Variants in KCNK10 observed in about 807,000 individuals in gnomAD.
KCNK10 encodes potassium two pore domain channel subfamily K member 10.
Under a neutral mutation model 47.7 loss-of-function variants are expected in KCNK10, and 25 were observed. The observed-to-expected ratio is 0.52, with a 90% CI of 0.38 to 0.73. The LOEUF (loss-of-function observed/expected upper bound fraction) is 0.73. KCNK10 is among the 30% of genes least tolerant of loss of function. KCNK10 has a pLI of 0.00. For missense variants in KCNK10, 563 were observed against 714.5 expected (o/e 0.79, Z 2.42); for synonymous variants, 303 against 285.6 (o/e 1.06, Z -0.61).
chr14:88,274,566 A>AAAAT (rs55899872), intron 1 of KCNK10, among the ~76,000 whole-genome samples: 1 of 139,626 alleles, frequency 7.2e-6, no homozygotes, highest in African/African-American at 3.1e-5. Flanking sequence ...AAAAAAAAAA[A>AAAAT]GATCTTATGG....
intron 4 of KCNK10, among the ~76,000 whole-genome samples, chr14:88,198,800 T>C (rs570548195): frequency 2.3e-4 from 35 of 152,348 alleles, no homozygotes; most frequent in African/African-American, 8.2e-4. Context: ...TGAGGTTGTA[T>C]TAGGAAACTC....
intron 2 of KCNK10, among the ~76,000 whole-genome samples, chr14:88,258,899 G>A (rs1232822932): frequency 6.6e-6 from 1 of 152,050 alleles, no homozygotes; most frequent in East Asian, 1.9e-4. Context: ...ATGCTTCTCT[G>A]GATACTCTAT....
At chr14:88,312,016 A>G (rs896133290) in intron 1 of KCNK10, among the ~76,000 whole-genome samples, 1 of 152,028 alleles carries the variant, frequency 6.6e-6, no homozygotes. Flanking sequence ...AGGCATCTCC[A>G]TTCAACACAC....
Position 88,186,244 on chromosome 14 carries a change from G to A in KCNK10, c.1012-89C>T, listed in dbSNP as rs543782003. The stretch of plus-strand genomic sequence containing the variant: ...ACCCACAGCCCTCGGGTGTCCCCAC[G>A]GGGAGGCCAGGAGGTGACGGAGCAC... On this transcript the variant is annotated intron_variant, in intron 6 of 6. Coordinates refer to ENST00000319231, the MANE Select transcript of KCNK10 (RefSeq NM_138317.3). The surrounding 1 kb of genome is among the most constrained non-coding windows in gnomAD (Gnocchi z 5.5). The A allele has an allele frequency of 1.6e-3, 2,241 of 1,433,922 alleles. 18 individuals are homozygous for A. The highest frequency in any genetic ancestry group is 0.01 in the Middle Eastern group (40 of 3,852). 88.8% of individuals were successfully genotyped at this position (1,433,922 alleles called of 1,614,324 possible). A position where few individuals can be genotyped will look rare whatever the true frequency, so the allele number is the denominator to read the frequency against.
At chr14:88,245,304 T>C (rs1264716069) in intron 2 of KCNK10, among the ~76,000 whole-genome samples, 12 of 152,200 alleles carry the variant, frequency 7.9e-5, no homozygotes, top group Non-Finnish European at 1.0e-4. Context: ...TAAAAGATTC[T>C]GTGCCCCTCT....
At chr14:88,279,907 T>C (rs148504161) in intron 1 of KCNK10, among the ~76,000 whole-genome samples, 14 of 150,278 alleles carry the variant, frequency 9.3e-5, no homozygotes, top group Admixed American at 4.0e-4. Flanking sequence ...GATGGGTTTA[T>C]CAGGGGTTTC....
At chr14:88,277,496 G>A (rs539528490) in intron 1 of KCNK10, among the ~76,000 whole-genome samples, 2 of 152,312 alleles carry the variant, frequency 1.3e-5, no homozygotes, top group South Asian at 2.1e-4. Context: ...AAAGGGAAAA[G>A]GATACCCACA....
chr14:88,326,470 G>C (rs746663176), upstream of KCNK10: 3 of 1,611,384 alleles, frequency 1.9e-6, no homozygotes, highest in Non-Finnish European at 1.7e-6. Flanking sequence ...GAAAGATGCC[G>C]CTCCAAGCGG....
At chr14:88,212,471 A>G (rs1284564740) in intron 4 of KCNK10, among the ~76,000 whole-genome samples, 1 of 152,106 alleles carries the variant, frequency 6.6e-6, no homozygotes, top group Non-Finnish European at 1.5e-5. Context: ...TACTATAGAT[A>G]CTATGAATTC....
At chr14:88,276,476 A>G (rs1359346207) in intron 1 of KCNK10, among the ~76,000 whole-genome samples, 1 of 152,104 alleles carries the variant, frequency 6.6e-6, no homozygotes, top group Non-Finnish European at 1.5e-5. Flanking sequence ...ACACTAAGAC[A>G]TTGACTAGAT....
chr14:88,230,594 G>A (rs1886133328), intron 3 of KCNK10, among the ~76,000 whole-genome samples: 1 of 152,132 alleles, frequency 6.6e-6, no homozygotes, highest in African/African-American at 2.4e-5. Context: ...TTCTTATTAT[G>A]GTCACCAGTC....
chr14:88,217,772 G>C (rs1052699239), intron 4 of KCNK10, among the ~76,000 whole-genome samples: 24 of 151,926 alleles, frequency 1.6e-4, no homozygotes, highest in African/African-American at 5.8e-4. Flanking sequence ...ACCCAGGCTG[G>C]AGTGCAGTGA....
In KCNK10 at chr14:88,313,782, T is replaced by C. The variant is rs117812411; in HGVS notation, c.52+8965A>G. On this transcript the variant is annotated intron_variant, in intron 1 of 6. Transcript: ENST00000319231. ...ATGAGATAATAAATGTTTATATTGA[T>C]TTAAGCCACTAAATGTTGGGGTTAT... Among the ~76,000 whole-genome samples, 22 of 152,326 alleles carry C rather than the reference T, an allele frequency of 1.4e-4. 1 individual carries two copies. In the East Asian group the frequency reaches 3.9e-3, roughly 27 times the overall value.
chr14:88,268,197 T>C (rs887361615), intron 1 of KCNK10, among the ~76,000 whole-genome samples: 4 of 152,194 alleles, frequency 2.6e-5, no homozygotes, highest in Admixed American at 6.5e-5. Flanking sequence ...CAAGGAGTTC[T>C]TGAGCTGAAG....
At position 88,263,253 on chromosome 14, in the gene KCNK10, G is replaced by T; in HGVS notation, c.351C>A (p.Phe117Leu). ...KNTIALEKAE[F>L]LRDHVCVSPQ... ...GGCTCACACAGACATGATCCCGCAG[G>T]AATTCCGCCTTCTCCAAGGCGATGG... Residue 117 changes from phenylalanine (F) to leucine (L), a missense_variant, in exon 2 of 7, where the codon TTC becomes TTA. Phe to Leu is a conservative substitution (Grantham distance 22). Transcript: ENST00000319231. 6.2e-7 allele frequency: 1 copy of T among 1,614,166 alleles called. No homozygotes were observed. The highest frequency in any genetic ancestry group is 2.2e-5 in the East Asian group (1 of 44,884).
chr14:88,229,319 A>G (rs1292846395), intron 3 of KCNK10, among the ~76,000 whole-genome samples: 1 of 152,056 alleles, frequency 6.6e-6, no homozygotes, highest in East Asian at 1.9e-4. Context: ...CATCAGGGAG[A>G]AGTGAGGAGA....
chr14:88,263,580 G>A (rs1470733746), intron 1 of KCNK10, 29 bp from the exon 2 acceptor site: 5 of 1,573,696 alleles, frequency 3.2e-6, no homozygotes, highest in South Asian at 1.1e-5. Context: ...GGACAAAGAA[G>A]AAGAGAGTTT....
intron 5 of KCNK10, 44 bp downstream of exon 5, chr14:88,192,180 T>C (rs956642194): frequency 6.5e-7 from 1 of 1,542,064 alleles, no homozygotes. Flanking sequence ...ACAGATTATT[T>C]TTCCCGCCAG....
chr14:88,300,228 C>CA (rs1200951943), intron 1 of KCNK10, among the ~76,000 whole-genome samples: 19 of 152,206 alleles, frequency 1.2e-4, no homozygotes, highest in African/African-American at 4.6e-4. Flanking sequence ...TCTTCTCCAC[C>CA]AATCCACATA....
Sources: gnomAD v4.1 joint callset for allele counts (sites outside exome capture counted in the v4.1 genomes callset) on GRCh38, gnomAD v4.1.1 for gene constraint, Gnocchi (gnomAD v3.1) non-coding constraint, MANE v1.5 for transcripts, NCBI Gene and HGNC (gene_info 2026-07-23, HGNC 2026-07-21) for gene names.